POLR2B: variants seen among roughly 807,000 people sequenced by gnomAD.
The protein encoded by POLR2B is RNA polymerase II subunit B, also known as DNA-directed RNA polymerase II subunit RPB2.
A neutral mutation model predicts 144.6 loss-of-function variants in POLR2B; 57 were observed. That is an observed-to-expected ratio of 0.39 (90% CI 0.32 to 0.49). The LOEUF is 0.49. Ranked by LOEUF, POLR2B falls within the 20% of genes least tolerant of loss-of-function variation. The pLI is 0.83. For synonymous variants in POLR2B, 442 were observed against 469.8 expected (o/e 0.94, Z 0.77); for missense variants, 595 against 1,467.4 (o/e 0.41, Z 9.71).
chr4:56,993,760 C>CT (rs1438434320), intron 3 of POLR2B, among the ~76,000 whole-genome samples: 1 of 151,840 alleles, frequency 6.6e-6, no homozygotes, highest in Non-Finnish European at 1.5e-5. Context: ...ATAAAAAAAT[C>CT]TTTTTCTTTT....
intron 13 of POLR2B, among the ~76,000 whole-genome samples, chr4:57,013,711 A>C (rs1381420907): frequency 1.3e-5 from 2 of 152,068 alleles, no homozygotes; most frequent in African/African-American, 4.8e-5. Context: ...GGTTTTGTTC[A>C]TCACACAGTG....
At chr4:56,983,372 T>C (rs1722217540) in intron 1 of POLR2B, among the ~76,000 whole-genome samples, 1 of 147,172 alleles carries the variant, frequency 6.8e-6, no homozygotes, top group Non-Finnish European at 1.5e-5. Context: ...GCTCAGGTTT[T>C]TTTTTTTTTT....
At chr4:57,027,311 C>T (rs1345887961) in intron 23 of POLR2B, among the ~76,000 whole-genome samples, 1 of 151,400 alleles carries the variant, frequency 6.6e-6, no homozygotes, top group African/African-American at 2.4e-5. Flanking sequence ...GCCCAGCCCA[C>T]CCCTTCCCTT....
At chr4:56,990,228 A>C (rs1188786969) in intron 2 of POLR2B, among the ~76,000 whole-genome samples, 3 of 152,066 alleles carry the variant, frequency 2.0e-5, no homozygotes, top group African/African-American at 7.2e-5. Flanking sequence ...AAAGGGCATA[A>C]AGTTTTTTTT....
chr4:56,983,033 C>G (rs766839292), intron 1 of POLR2B, among the ~76,000 whole-genome samples: 1 of 152,174 alleles, frequency 6.6e-6, no homozygotes, highest in Non-Finnish European at 1.5e-5. Flanking sequence ...CATCCCTTGC[C>G]TAGATTACTC....
At chr4:56,991,967 A>T (rs961851972) in intron 3 of POLR2B, among the ~76,000 whole-genome samples, 7 of 152,010 alleles carry the variant, frequency 4.6e-5, no homozygotes, top group Admixed American at 1.3e-4. Context: ...TTGTTGGGTC[A>T]TTTTTTCTTC....
intron 2 of POLR2B, among the ~76,000 whole-genome samples, chr4:56,990,462 T>C (rs978936103): frequency 6.6e-6 from 1 of 152,210 alleles, no homozygotes; most frequent in Non-Finnish European, 1.5e-5. Context: ...TCCTCCTGCC[T>C]TGGCCTCCCA....
intron 13 of POLR2B, among the ~76,000 whole-genome samples, chr4:57,014,169 A>AC (rs1245857598): frequency 6.6e-6 from 1 of 152,020 alleles, no homozygotes; most frequent in Non-Finnish European, 1.5e-5. Context: ...TTGTCTTTTG[A>AC]CTCATTTTAG....
intron 21 of POLR2B, 41 bp downstream of exon 21, chr4:57,024,153 C>A: frequency 1.9e-6 from 2 of 1,074,404 alleles, no homozygotes; most frequent in Non-Finnish European, 2.8e-6. Flanking sequence ...TAAGCTGATG[C>A]TTCTTCTAAA....
At chr4:57,024,852 G>T in intron 21 of POLR2B, 34 bp from the exon 22 acceptor site, 1 of 1,117,350 alleles carries the variant, frequency 8.9e-7, no homozygotes. Context: ...ACAGACTGAA[G>T]CAACATTTTA....
intron 6 of POLR2B, among the ~76,000 whole-genome samples, chr4:56,996,232 GTGTGTGTA>G (rs1722673773): frequency 7.0e-6 from 1 of 142,374 alleles, no homozygotes; most frequent in African/African-American, 2.6e-5. Context: ...GTGTGTGTGT[GTGTGTGTA>G]TGTATATGTG....
intron 6 of POLR2B, among the ~76,000 whole-genome samples, chr4:56,996,976 G>T (rs2109666623): frequency 6.6e-6 from 1 of 152,238 alleles, no homozygotes; most frequent in South Asian, 2.1e-4. Flanking sequence ...GCAGGCACCT[G>T]TAGTCCCGGT....
chr4:56,984,675 G>A (rs1722263007), intron 1 of POLR2B, among the ~76,000 whole-genome samples: 2 of 152,050 alleles, frequency 1.3e-5, no homozygotes, highest in Non-Finnish European at 2.9e-5. Context: ...CAGGTGTAGG[G>A]ATTAATAATT....
intron 2 of POLR2B, among the ~76,000 whole-genome samples, chr4:56,987,763 T>G (rs548214913): frequency 6.6e-6 from 1 of 152,122 alleles, no homozygotes; most frequent in South Asian, 2.1e-4. Context: ...ACACCTGTAA[T>G]CCCAGCTACT....
At chr4:56,998,495 G>A (rs920701027) in intron 6 of POLR2B, among the ~76,000 whole-genome samples, 8 of 151,560 alleles carry the variant, frequency 5.3e-5, no homozygotes, top group South Asian at 4.2e-4. Flanking sequence ...CACTGTGCCC[G>A]GCCTGTGAGC....
intron 7 of POLR2B, 56 bp from the exon 8 acceptor site, chr4:57,005,190 C>T: frequency 9.9e-7 from 1 of 1,014,148 alleles, no homozygotes; most frequent in Non-Finnish European, 1.4e-6. Flanking sequence ...ACAGTTTACT[C>T]ATTTTAAGGT....
chr4:57,028,367 C>T (rs2109726295), intron 23 of POLR2B, among the ~76,000 whole-genome samples: 1 of 152,200 alleles, frequency 6.6e-6, no homozygotes, highest in Admixed American at 6.5e-5. Context: ...CTCCTGGGCT[C>T]AATCCAGCCT....
intron 9 of POLR2B, 88 bp downstream of exon 9, chr4:57,005,807 T>G (rs564863397): frequency 8.2e-7 from 1 of 1,226,828 alleles, no homozygotes; most frequent in East Asian, 2.4e-5. Flanking sequence ...TAAACTGTGT[T>G]GGCATCCACG....
intron 6 of POLR2B, among the ~76,000 whole-genome samples, chr4:56,999,212 CTTTTTT>C (rs34081589): frequency 1.6e-5 from 2 of 124,794 alleles, no homozygotes. Context: ...TGTATTGTCT[CTTTTTT>C]TTTTTTTTTT....
Sources: gnomAD v4.1 joint callset for allele counts (sites outside exome capture counted in the v4.1 genomes callset) on GRCh38, gnomAD v4.1.1 for gene constraint, MANE v1.5 for transcripts, NCBI Gene and HGNC (gene_info 2026-07-23, HGNC 2026-07-21) for gene names.